SEC22A: variants seen among roughly 807,000 people sequenced by gnomAD.
The protein encoded by SEC22A is SEC22 homolog A, vesicle trafficking protein, also known as vesicle-trafficking protein SEC22a.
SEC22A carries 22 observed loss-of-function variants against 35.3 expected under a neutral mutation model. The ratio of observed to expected loss-of-function variants is 0.62; its 90% CI spans 0.45 to 0.89. The LOEUF is 0.89. Ranked by LOEUF, SEC22A falls within the 40% of genes least tolerant of loss-of-function variation. SEC22A has a pLI of 0.00. For synonymous variants in SEC22A, 119 were observed against 129.5 expected, an observed-to-expected ratio of 0.92 and a Z score of 0.55; for missense variants, 354 against 362.5, an observed-to-expected ratio of 0.98 and a Z score of 0.19.
At chr3:123,264,741 G>A (rs1173156151) in intron 6 of SEC22A, among the ~76,000 whole-genome samples, 2 of 150,868 alleles carry the variant, frequency 1.3e-5, no homozygotes, top group African/African-American at 2.4e-5. Flanking sequence ...TGATTCTTCC[G>A]CCTTAGCCAC....
intron 4 of SEC22A, among the ~76,000 whole-genome samples, chr3:123,234,844 G>A (rs1360636458): frequency 1.3e-5 from 2 of 151,918 alleles, no homozygotes; most frequent in East Asian, 1.9e-4. Context: ...GCAACATGGC[G>A]AAACCTCATC....
intron 2 of SEC22A, among the ~76,000 whole-genome samples, chr3:123,216,863 C>G (rs376374305): frequency 1.1e-4 from 17 of 152,188 alleles, no homozygotes; most frequent in African/African-American, 3.9e-4. Flanking sequence ...GGGTTTTGCT[C>G]TGTTGCCCAG....
chr3:123,209,212 G>T lies in SEC22A; in HGVS notation c.-6G>T. The stretch of plus-strand genomic sequence containing the variant: ...ATTTTGTTTTAGGTCTTCTCTGTTG[G>T]TTGAAATGTCTATGATTTTATCTGC... On this transcript the variant is annotated 5_prime_UTR_variant, in exon 2 of 7. Transcript: ENST00000492595. 3.1e-6 allele frequency: 5 copies of T among 1,613,784 alleles called. No homozygotes were observed. The highest frequency in any genetic ancestry group is 4.2e-6 in the Non-Finnish European group (5 of 1,179,826).
chr3:123,271,908 G>C lies in SEC22A; in HGVS notation c.*186G>C, dbSNP rs1163415615. ...GGAAGAGTCCTCTCAGAAGAATGTT[G>C]GCCATGAGACTATCATTCAGAGGAG... On this transcript the variant is annotated 3_prime_UTR_variant, in exon 7 of 7. Coordinates refer to ENST00000492595, the MANE Select transcript of SEC22A (RefSeq NM_012430.5). The C allele has an allele frequency of 3.4e-6, 2 of 588,952 alleles. No individual in the cohort carries two copies. The highest frequency in any genetic ancestry group is 6.0e-6 in the Non-Finnish European group (2 of 334,280). The allele number at this position is 588,952 out of a possible 1,614,324, so 36.5% of individuals were successfully genotyped here.
intron 2 of SEC22A, among the ~76,000 whole-genome samples, chr3:123,221,046 T>G (rs1371226265): frequency 2.6e-5 from 4 of 151,934 alleles, no homozygotes; most frequent in Admixed American, 2.6e-4. Context: ...AGTATACCCT[T>G]TTATTTTTCA....
intron 5 of SEC22A, among the ~76,000 whole-genome samples, chr3:123,252,917 T>C (rs947570691): frequency 6.6e-6 from 1 of 152,210 alleles, no homozygotes; most frequent in African/African-American, 2.4e-5. Flanking sequence ...AATTAGATTA[T>C]TTTCACTTCT....
At chr3:123,213,921 C>A (rs963033064) in intron 2 of SEC22A, among the ~76,000 whole-genome samples, 5 of 152,138 alleles carry the variant, frequency 3.3e-5, no homozygotes, top group African/African-American at 1.2e-4. Context: ...TGGTGGCTCA[C>A]GCCTGTAATC....
At position 123,271,830 on chromosome 3, in the gene SEC22A, T is replaced by G; in HGVS notation, c.*108T>G. 3 of 908,452 alleles carry G rather than the reference T, an allele frequency of 3.3e-6. No individual in the cohort carries two copies. Among genetic ancestry groups the G allele is most frequent in the Admixed American group, 2.7e-5 (1 of 37,240 alleles). The allele number at this position is 908,452 out of a possible 1,614,324, so 56.3% of individuals were successfully genotyped here. A position where few individuals can be genotyped will look rare whatever the true frequency, so the allele number is the denominator to read the frequency against. On this transcript the variant is annotated 3_prime_UTR_variant, in exon 7 of 7. Transcript: ENST00000492595. ...TCCCCACAGAGGAGAAGCTCTGCTT[T>G]CTTTCTCTCCAACTTTCCTTTTTTA...
intron 5 of SEC22A, among the ~76,000 whole-genome samples, chr3:123,258,281 A>G (rs1165781207): frequency 6.6e-6 from 1 of 152,168 alleles, no homozygotes; most frequent in Non-Finnish European, 1.5e-5. Flanking sequence ...AAGGAAATAC[A>G]TGAAAGGGTT....
Position 123,271,809 on chromosome 3 carries a change from C to G in SEC22A, c.*87C>G. On this transcript the variant is annotated 3_prime_UTR_variant, in exon 7 of 7. Transcript: ENST00000492595. Reference sequence around the variant, plus strand: ...GCACTGTGATGAAGAAGCTGTTCCCCACAGAGGAGAAGCTCTGCTTTCTTT... The same window carrying G: ...GCACTGTGATGAAGAAGCTGTTCCCGACAGAGGAGAAGCTCTGCTTTCTTT... The G allele has an allele frequency of 9.1e-7, 1 of 1,095,092 alleles. No homozygotes were observed. 67.8% of individuals were successfully genotyped at this position (1,095,092 alleles called of 1,614,324 possible).
intron 4 of SEC22A, among the ~76,000 whole-genome samples, chr3:123,227,670 T>C (rs1419750316): frequency 6.6e-6 from 1 of 152,208 alleles, no homozygotes; most frequent in Non-Finnish European, 1.5e-5. Flanking sequence ...CATTTATCAT[T>C]GTATATTGAC....
intron 2 of SEC22A, among the ~76,000 whole-genome samples, chr3:123,219,614 A>G (rs1201218016): frequency 1.3e-5 from 2 of 152,186 alleles, no homozygotes; most frequent in Admixed American, 1.3e-4. Context: ...AAATATGTAA[A>G]ATACTTAGCA....
At chr3:123,237,258 T>C (rs899547828) in intron 4 of SEC22A, among the ~76,000 whole-genome samples, 5 of 152,254 alleles carry the variant, frequency 3.3e-5, no homozygotes, top group African/African-American at 1.2e-4. Context: ...TATACTGATA[T>C]CTTTATCAGG....
intron 4 of SEC22A, among the ~76,000 whole-genome samples, chr3:123,236,464 A>C (rs1330440405): frequency 6.6e-6 from 1 of 152,328 alleles, no homozygotes; most frequent in African/African-American, 2.4e-5. Context: ...AGGCCCAGAG[A>C]GATGAGCCCA....
intron 4 of SEC22A, among the ~76,000 whole-genome samples, chr3:123,229,732 C>A (rs1175776954): frequency 6.6e-6 from 1 of 151,904 alleles, no homozygotes; most frequent in South Asian, 2.1e-4. Context: ...CATGGTGCCA[C>A]ACGCCTGTAA....
At position 123,271,707 on chromosome 3, in the gene SEC22A, C is replaced by T. The variant is rs762930563; in HGVS notation, c.909C>T (p.Pro303=). 1.1e-5 allele frequency: 18 copies of T among 1,613,854 alleles called. No homozygotes were observed. Among genetic ancestry groups the T allele is most frequent in the African/African-American group, 6.7e-5 (5 of 74,906 alleles). ...IWLRQAQGKA[P]DYDV The stretch of plus-strand genomic sequence containing the variant: ...TAAGGCAAGCCCAGGGCAAGGCTCC[C>T]GATTATGATGTCTGACACCATCCTT... The change falls in exon 7 of 7, where the codon CCC becomes CCT. Residue 303 remains proline (P), a synonymous_variant. Transcript: ENST00000492595.
Position 123,206,595 on chromosome 3 carries a change from TAA to T in SEC22A, c.-19-2595_-19-2594del, listed in dbSNP as rs66692423. On this transcript the variant is annotated intron_variant, in intron 1 of 6. Coordinates refer to ENST00000492595, the MANE Select transcript of SEC22A (RefSeq NM_012430.5). ...GATTTAATAATTAAGTAAAACATGG[TAA>T]AAAAAAAATTAAAGAGGGGTTTATA... Among the ~76,000 whole-genome samples, 9 of 150,410 alleles carry T rather than the reference TAA, an allele frequency of 6.0e-5. No homozygotes were observed. In the South Asian group the frequency reaches 8.4e-4, roughly 14 times the overall value.
intron 2 of SEC22A, among the ~76,000 whole-genome samples, chr3:123,221,760 T>TTTG (rs143956917): frequency 0.2 from 29,713 of 151,912 alleles, 2,988 homozygotes; most frequent in Middle Eastern, 0.27. Context: ...AATTTCTGAA[T>TTTG]TTATTTAGAA....
At chr3:123,242,998 A>AGTGG in intron 4 of SEC22A, among the ~76,000 whole-genome samples, 1 of 152,144 alleles carries the variant, frequency 6.6e-6, no homozygotes, top group East Asian at 1.9e-4. Flanking sequence ...GTGGTTCCCC[A>AGTGG]TTGTCTAATT....
Sources: gnomAD v4.1 joint callset for allele counts (sites outside exome capture counted in the v4.1 genomes callset) on GRCh38, gnomAD v4.1.1 for gene constraint, MANE v1.5 for transcripts, NCBI Gene and HGNC (gene_info 2026-07-23, HGNC 2026-07-21) for gene names.